MYRIP: variants seen among roughly 807,000 people sequenced by gnomAD.
MYRIP encodes the protein rab effector MyRIP.
In MYRIP, 49 loss-of-function variants were observed where a neutral mutation model predicts 98.0. The ratio of observed to expected loss-of-function variants is 0.50; its 90% CI spans 0.40 to 0.63. The LOEUF (loss-of-function observed/expected upper bound fraction) is 0.63. MYRIP is among the 30% of genes least tolerant of loss of function. MYRIP has a pLI of 0.00. For missense variants in MYRIP, 1,004 were observed against 1,058.2 expected (o/e 0.95, Z 0.71); for synonymous variants, 404 against 409.5 (o/e 0.99, Z 0.16).
chr3:39,939,162 C>T (rs1944724148), intron 2 of MYRIP, among the ~76,000 whole-genome samples: 1 of 152,152 alleles, frequency 6.6e-6, no homozygotes. Flanking sequence ...CAAATTAAAA[C>T]TTGCCAATCC....
At chr3:39,942,228 C>T (rs1944803110) in intron 2 of MYRIP, among the ~76,000 whole-genome samples, 3 of 152,120 alleles carry the variant, frequency 2.0e-5, no homozygotes. Context: ...AGAACAGGGC[C>T]ACGTCACTGC....
chr3:39,921,716 A>C lies in MYRIP; in HGVS notation c.110+20790A>C, dbSNP rs527528070. Among the ~76,000 whole-genome samples, 171 of 152,116 alleles carry C rather than the reference A, an allele frequency of 1.1e-3. 1 individual carries two copies. The highest frequency in any genetic ancestry group is 3.8e-3 in the African/African-American group (159 of 41,516). On this transcript the variant is annotated intron_variant, in intron 2 of 16. Transcript: ENST00000302541. ...GCCAACATGGTGAAACCCCGTCTCT[A>C]CTAAAAATACAAAAATTAGCCGGGT...
intron 8 of MYRIP, among the ~76,000 whole-genome samples, chr3:40,178,263 C>G (rs1426428780): frequency 6.6e-6 from 1 of 152,206 alleles, no homozygotes; most frequent in Non-Finnish European, 1.5e-5. Context: ...ATAAGTAGAA[C>G]ACATTGCTGC....
chr3:40,218,645 T>TATATATATATAC, intron 11 of MYRIP, among the ~76,000 whole-genome samples: 1 of 96,916 alleles, frequency 1.0e-5, no homozygotes, highest in African/African-American at 3.4e-5. Flanking sequence ...TATATATATA[T>TATATATATATAC]ATATATATAT....
intron 3 of MYRIP, among the ~76,000 whole-genome samples, chr3:40,143,867 C>T (rs76041468): frequency 4.6e-5 from 7 of 152,200 alleles, no homozygotes; most frequent in East Asian, 1.9e-4. Context: ...TCATTCCCCA[C>T]GGATTTGCTG....
At chr3:40,102,823 A>G (rs996003184) in intron 3 of MYRIP, among the ~76,000 whole-genome samples, 4 of 151,964 alleles carry the variant, frequency 2.6e-5, no homozygotes, top group East Asian at 3.9e-4. Context: ...AAGAAGTTCT[A>G]TTTACTCTCA....
rs1944783474 is a variant in MYRIP, at chr3:39,941,493, G to GTA, written c.110+40568_110+40569insAT. Among the ~76,000 whole-genome samples the GTA allele has an allele frequency of 8.9e-5, 13 of 145,432 alleles. No homozygotes were observed. The South Asian group carries it at 2.8e-3, about 31-fold the overall frequency. On this transcript the variant is annotated intron_variant, in intron 2 of 16. Coordinates refer to ENST00000302541, the MANE Select transcript of MYRIP (RefSeq NM_015460.4). ...AATACAGTCTTTTAAAAATGTATGT[G>GTA]TGTGTGTGTGTGTGTGTATATATAT...
chr3:40,002,735 T>G (rs1408924380), intron 2 of MYRIP, among the ~76,000 whole-genome samples: 1 of 151,984 alleles, frequency 6.6e-6, no homozygotes, highest in African/African-American at 2.4e-5. Context: ...GACACATACA[T>G]GCTATTAAAA....
At chr3:39,832,516 A>C (rs1381694876) in intron 1 of MYRIP, among the ~76,000 whole-genome samples, 1 of 152,206 alleles carries the variant, frequency 6.6e-6, no homozygotes, top group African/African-American at 2.4e-5. Context: ...AAGGAGGACA[A>C]ATTTTAAGAA....
chr3:40,057,462 C>T (rs894541964), intron 3 of MYRIP, among the ~76,000 whole-genome samples: 2 of 152,172 alleles, frequency 1.3e-5, no homozygotes, highest in South Asian at 2.1e-4. Flanking sequence ...TAGAAGCTAA[C>T]GTTAATCTAG....
At chr3:40,075,071 A>G (rs561350799) in intron 3 of MYRIP, among the ~76,000 whole-genome samples, 1 of 152,352 alleles carries the variant, frequency 6.6e-6, no homozygotes, top group Non-Finnish European at 1.5e-5. Context: ...TAATACAACA[A>G]AAATGAAAAA....
chr3:40,218,632 A>ATATATATTT (rs1553629298), intron 11 of MYRIP, among the ~76,000 whole-genome samples: 2 of 90,896 alleles, frequency 2.2e-5, no homozygotes, highest in African/African-American at 5.9e-5. Flanking sequence ...ATATATATAT[A>ATATATATTT]TATATATATA....
At chr3:39,864,446 T>C (rs1422126941) in intron 1 of MYRIP, among the ~76,000 whole-genome samples, 1 of 152,008 alleles carries the variant, frequency 6.6e-6, no homozygotes, top group African/African-American at 2.4e-5. Flanking sequence ...AACTTTACAA[T>C]AAAGTTTCAG....
chr3:40,105,477 G>A (rs1949034190), intron 3 of MYRIP, among the ~76,000 whole-genome samples: 1 of 152,134 alleles, frequency 6.6e-6, no homozygotes, highest in East Asian at 1.9e-4. Flanking sequence ...TTTACTCATG[G>A]TGGAAGGCAA....
rs542753112 is a variant in MYRIP at position 40,254,710 on chromosome 3, C to A, written c.2547+2711C>A. Among the ~76,000 whole-genome samples, 6 of 152,208 alleles carry A rather than the reference C, an allele frequency of 3.9e-5. 1 individual carries two copies. The South Asian group carries it at 1.2e-3, about 32-fold the overall frequency. On this transcript the variant is annotated intron_variant, in intron 16 of 16. Transcript: ENST00000302541. ...GACCCAGTTCTCAGCTTGACTTTTC[C>A]CTTTAGCTTAGCAATTTGGGAACCC... is the stretch of plus-strand genomic sequence containing the variant.
intron 8 of MYRIP, among the ~76,000 whole-genome samples, chr3:40,179,732 A>G (rs1200098526): frequency 6.6e-6 from 1 of 152,174 alleles, no homozygotes; most frequent in Non-Finnish European, 1.5e-5. Flanking sequence ...ACAAAAGGCC[A>G]TCCCTGCCCT....
At chr3:40,004,251 G>A (rs1946585219) in intron 2 of MYRIP, among the ~76,000 whole-genome samples, 1 of 152,178 alleles carries the variant, frequency 6.6e-6, no homozygotes, top group Non-Finnish European at 1.5e-5. Context: ...GGGTGCATTT[G>A]ATAGAACTTA....
chr3:39,885,684 C>T (rs1405552712), intron 1 of MYRIP, among the ~76,000 whole-genome samples: 1 of 152,006 alleles, frequency 6.6e-6, no homozygotes, highest in Non-Finnish European at 1.5e-5. Flanking sequence ...TTCTTGGAGG[C>T]TTTGCTTGTT....
intron 3 of MYRIP, among the ~76,000 whole-genome samples, chr3:40,109,358 T>C (rs1445443734): frequency 6.6e-6 from 1 of 152,148 alleles, no homozygotes; most frequent in Non-Finnish European, 1.5e-5. Context: ...GAGAGAGACT[T>C]AGTCGAGTTC....
Sources: allele counts gnomAD v4.1 joint callset (sites outside exome capture counted in the v4.1 genomes callset), GRCh38; gene constraint gnomAD v4.1.1; transcripts MANE v1.5; gene names NCBI Gene and HGNC (gene_info 2026-07-23, HGNC 2026-07-21).